ATP10A: variants seen among roughly 807,000 people sequenced by gnomAD.
ATP10A encodes ATPase phospholipid transporting 10A (putative).
In ATP10A, 111 loss-of-function variants were observed where a neutral mutation model predicts 147.8. That is an observed-to-expected ratio of 0.75 (90% CI 0.64 to 0.88). The LOEUF is 0.88. Ranked by LOEUF, ATP10A falls within the 40% of genes least tolerant of loss-of-function variation. The pLI is 0.00. For synonymous variants in ATP10A, 875 were observed against 841.6 expected (o/e 1.04, Z -0.69); for missense variants, 1,927 against 1,959.0 (o/e 0.98, Z 0.31).
At chr15:25,697,041 G>C (rs887597973) in intron 13 of ATP10A, among the ~76,000 whole-genome samples, 31 of 152,328 alleles carry the variant, frequency 2.0e-4, no homozygotes, top group Admixed American at 1.9e-3. Flanking sequence ...TTTCCTGCCA[G>C]AAGACTGAAA....
chr15:25,729,053 C>T (rs1359481750), intron 3 of ATP10A, among the ~76,000 whole-genome samples: 1 of 152,200 alleles, frequency 6.6e-6, no homozygotes, highest in African/African-American at 2.4e-5. Flanking sequence ...AAGACACACA[C>T]AAGAACGTGA....
At chr15:25,791,330 T>C (rs1052294815) in intron 1 of ATP10A, among the ~76,000 whole-genome samples, 12 of 152,236 alleles carry the variant, frequency 7.9e-5, no homozygotes, top group Admixed American at 1.3e-4. Flanking sequence ...TAACTCTGCA[T>C]GTTTCCCCTT....
intron 12 of ATP10A, 31 bp downstream of exon 12, chr15:25,707,945 C>A: frequency 1.9e-6 from 3 of 1,612,128 alleles, no homozygotes; most frequent in Non-Finnish European, 2.5e-6. Context: ...CTCCACACTG[C>A]CCTTAGGCAT....
chr15:25,707,045 C>G (rs1467263945), intron 12 of ATP10A, among the ~76,000 whole-genome samples: 1 of 152,200 alleles, frequency 6.6e-6, no homozygotes, highest in East Asian at 1.9e-4. Flanking sequence ...CCACTGGGCC[C>G]CTGGATCCCG....
At chr15:25,827,252 C>T (rs1371045710) in intron 1 of ATP10A, among the ~76,000 whole-genome samples, 1 of 152,184 alleles carries the variant, frequency 6.6e-6, no homozygotes, top group Non-Finnish European at 1.5e-5. Context: ...GACCCCTCTC[C>T]TACAAGAAAC....
intron 1 of ATP10A, among the ~76,000 whole-genome samples, chr15:25,802,605 G>A (rs181711528): frequency 6.6e-6 from 1 of 152,214 alleles, no homozygotes; most frequent in Admixed American, 6.5e-5. Context: ...TCTCAGCGGA[G>A]AGTATGCTTC....
chr15:25,786,563 CCAG>C (rs1555469719), intron 1 of ATP10A, among the ~76,000 whole-genome samples: 2 of 151,402 alleles, frequency 1.3e-5, no homozygotes, highest in Non-Finnish European at 2.9e-5. Flanking sequence ...TTAGGCCACA[CCAG>C]CAGGAGCTCT....
chr15:25,811,048 C>G (rs1891407293), intron 1 of ATP10A, among the ~76,000 whole-genome samples: 1 of 152,176 alleles, frequency 6.6e-6, no homozygotes, highest in South Asian at 2.1e-4. Flanking sequence ...ACCTTAAGGG[C>G]AGCTTGGCAG....
intron 15 of ATP10A, among the ~76,000 whole-genome samples, chr15:25,690,253 A>T (rs2140306252): frequency 6.6e-6 from 1 of 151,788 alleles, no homozygotes; most frequent in Middle Eastern, 3.4e-3. Flanking sequence ...AAAAAAAAAA[A>T]AAAAAAGAGA....
chr15:25,799,789 C>T (rs1421680352), intron 1 of ATP10A, among the ~76,000 whole-genome samples: 2 of 152,124 alleles, frequency 1.3e-5, no homozygotes, highest in Non-Finnish European at 2.9e-5. Flanking sequence ...AGCTTCAGGG[C>T]ATCACTGTGA....
chr15:25,771,416 T>G (rs952641507), intron 2 of ATP10A, among the ~76,000 whole-genome samples: 1 of 151,996 alleles, frequency 6.6e-6, no homozygotes, highest in Admixed American at 6.6e-5. Context: ...CTATAAAAAA[T>G]AAAAAGAAAA....
At chr15:25,804,456 G>GGT (rs1009881278) in intron 1 of ATP10A, among the ~76,000 whole-genome samples, 1 of 134,872 alleles carries the variant, frequency 7.4e-6, no homozygotes, top group African/African-American at 3.3e-5. Flanking sequence ...CTGTGTGCAT[G>GGT]GTGTGTGTGT....
At position 25,777,770 on chromosome 15, in the gene ATP10A, T is replaced by C. The variant is rs1451915477; in HGVS notation, c.654+3249A>G. 2.7e-5 allele frequency among the ~76,000 whole-genome samples: 3 copies of C among 111,172 alleles called. No homozygotes were observed. In the East Asian group the frequency reaches 7.6e-4, roughly 28 times the overall value. The allele number at this position is 111,172 out of a possible 152,430, so 72.9% of individuals were successfully genotyped here. On this transcript the variant is annotated intron_variant, in intron 2 of 20. Transcript: ENST00000555815. ...GCACACCACGATATCTGGCAATTTT[T>C]TTTCTTTCTTTCTTTTTTTTTTTTT...
chr15:25,759,151 A>G (rs1888615671), intron 2 of ATP10A, among the ~76,000 whole-genome samples: 1 of 152,162 alleles, frequency 6.6e-6, no homozygotes. Context: ...ACCCTTCTAT[A>G]TAGAAGTAAC....
At chr15:25,803,232 C>T (rs990743752) in intron 1 of ATP10A, among the ~76,000 whole-genome samples, 1 of 152,208 alleles carries the variant, frequency 6.6e-6, no homozygotes, top group African/African-American at 2.4e-5. Context: ...CGGGCACTTC[C>T]GCCACACCGT....
intron 9 of ATP10A, among the ~76,000 whole-genome samples, chr15:25,715,617 T>C (rs1251564175): frequency 6.6e-6 from 1 of 152,216 alleles, no homozygotes; most frequent in Non-Finnish European, 1.5e-5. Flanking sequence ...AGCCAGGAGA[T>C]GAACTGCAGC....
At chr15:25,794,474 T>C (rs953064500) in intron 1 of ATP10A, among the ~76,000 whole-genome samples, 7 of 152,198 alleles carry the variant, frequency 4.6e-5, no homozygotes, top group African/African-American at 1.4e-4. Flanking sequence ...GTATGATCAG[T>C]AAAGTACCTT....
At chr15:25,777,662 A>G (rs1366588897) in intron 2 of ATP10A, among the ~76,000 whole-genome samples, 1 of 151,914 alleles carries the variant, frequency 6.6e-6, no homozygotes, top group African/African-American at 2.4e-5. Context: ...GTGCAGTGGC[A>G]TGATCACAGC....
At chr15:25,848,129 T>G (rs1378943335) in intron 1 of ATP10A, among the ~76,000 whole-genome samples, 10 of 848 alleles carry the variant, frequency 0.012, no homozygotes, top group Non-Finnish European at 0.013. Context: ...TAAAAAGTGT[T>G]TTTTTTTTTT....
Sources: allele counts gnomAD v4.1 joint callset (sites outside exome capture counted in the v4.1 genomes callset), GRCh38; gene constraint gnomAD v4.1.1; transcripts MANE v1.5; gene names NCBI Gene and HGNC (gene_info 2026-07-23, HGNC 2026-07-21).